The following COL6A3 variants were observed in gnomAD, a reference collection of about 807,000 sequenced individuals.
COL6A3 encodes collagen alpha-3(VI) chain.
A neutral mutation model predicts 274.1 loss-of-function variants in COL6A3; 137 were observed. That is an observed-to-expected ratio of 0.50 (90% CI 0.44 to 0.58). The LOEUF (loss-of-function observed/expected upper bound fraction) is 0.58, where lower values mean the gene tolerates loss of function less well. Ranked by LOEUF, COL6A3 falls within the 20% of genes least tolerant of loss-of-function variation. The pLI is 0.00. For missense variants in COL6A3, 3,950 were observed against 4,124.9 expected (o/e 0.96, Z 1.16); for synonymous variants, 1,650 against 1,650.6 (o/e 1.00, Z 0.01).
chr2:237,334,921 A>T lies in COL6A3; in HGVS notation c.8966-32T>A, dbSNP rs748167211. On this transcript the variant is annotated intron_variant, in intron 40 of 43. Coordinates refer to ENST00000295550, the MANE Select transcript of COL6A3 (RefSeq NM_004369.4). Reference sequence around the variant, plus strand: ...GATAGATCAGAGCGTGAAGATAAAAAATAAAATCCTCCATGACTGTAGTGC... The same window carrying T: ...GATAGATCAGAGCGTGAAGATAAAATATAAAATCCTCCATGACTGTAGTGC... The T allele has an allele frequency of 5.6e-6, 9 of 1,613,538 alleles. No homozygotes were observed. In the East Asian group the frequency reaches 2.0e-4, roughly 36 times the overall value.
Position 237,413,270 on chromosome 2 carries a change from T to C in COL6A3, c.-31+683A>G, listed in dbSNP as rs1309307254. 2.0e-5 allele frequency among the ~76,000 whole-genome samples: 3 copies of C among 152,200 alleles called. No individual in the cohort carries two copies. Among genetic ancestry groups the C allele is most frequent in the Non-Finnish European group, 4.4e-5 (3 of 68,030 alleles). ...TGCTGCCCAAATGCCCAATTCCTTC[T>C]TCTCCTCTGACCCCTGCAACTCCTT... is the stretch of plus-strand genomic sequence containing the variant. On this transcript the variant is annotated intron_variant, in intron 1 of 43. Coordinates refer to ENST00000295550, the MANE Select transcript of COL6A3 (RefSeq NM_004369.4). The surrounding 1 kb of genome is among the most constrained non-coding windows in gnomAD (Gnocchi z 4.0).
chr2:237,356,978 A>G (rs1164639062), intron 23 of COL6A3: 2 of 321,300 alleles, frequency 6.2e-6, no homozygotes, highest in Non-Finnish European at 1.1e-5. Flanking sequence ...CAAATCCACA[A>G]CTCCCTCAGC....
rs1362987398 is a variant in COL6A3 at position 237,363,365 on chromosome 2, C to T, written c.5951G>A (p.Arg1984Gln). The T allele has an allele frequency of 6.2e-7, 1 of 1,614,140 alleles. No individual in the cohort carries two copies. Among genetic ancestry groups the T allele is most frequent in the Non-Finnish European group, 8.5e-7 (1 of 1,180,034 alleles). Residue 1984 changes from arginine to glutamine, a missense_variant, in exon 14 of 44, where the codon CGA (arginine) becomes CAA (glutamine). By Grantham distance (43) the Arg-to-Gln change is conservative. This residue lies in a region of COL6A3 where 632 missense variants were observed against 623.4 expected (regional missense o/e 1.01). Coordinates refer to ENST00000295550, the MANE Select transcript of COL6A3 (RefSeq NM_004369.4). The part of the protein sequence containing the change: ...VRALILVGLE[R>Q]VVNLERLMHL... ...CATTAGCCGCTCCAAGTTGACCACT[C>T]GTTCAAGGCCCACCAGGATCAAGGC...
Position 237,344,176 on chromosome 2 carries a change from A to AGCC in COL6A3, c.7668+171_7668+173dup, listed in dbSNP as rs1405571541. 7 of 923,116 alleles carry AGCC rather than the reference A, an allele frequency of 7.6e-6. No individual in the cohort carries two copies. The highest frequency in any genetic ancestry group is 1.6e-5 in the African/African-American group (1 of 61,844). The allele number at this position is 923,116 out of a possible 1,614,324, so 57.2% of individuals were successfully genotyped here. A position where few individuals can be genotyped will look rare whatever the true frequency, so the allele number is the denominator to read the frequency against. On this transcript the variant is annotated intron_variant, in intron 36 of 43. Transcript: ENST00000295550. The surrounding 1 kb of genome is among the most constrained non-coding windows in gnomAD (Gnocchi z 4.8). Reference sequence around the variant, plus strand: ...CATGTAGGCGTCCCTGTAGTGCTGGAGCCACGAGGTTGTCCTGGAGACCTC... The same window carrying AGCC: ...CATGTAGGCGTCCCTGTAGTGCTGGAGCCGCCACGAGGTTGTCCTGGAGACCTC...
At position 237,344,359 on chromosome 2, in the gene COL6A3, G is replaced by C; in HGVS notation, c.7659C>G (p.Asn2553Lys). Residue 2553 changes from asparagine (N) to lysine (K), a missense_variant, in exon 36 of 44, where the codon AAC becomes AAG. Asn to Lys is a moderately conservative substitution (Grantham distance 94). Around this residue, in one of 5 missense-constraint regions of COL6A3, gnomAD observed 1,284 missense variants for 1,349.7 expected, o/e 0.95. Coordinates refer to ENST00000295550, the MANE Select transcript of COL6A3 (RefSeq NM_004369.4). This position sits in a 1 kb window ranked among gnomAD's most constrained non-coding sequence, Gnocchi z 4.8. ...LTRQEDRQLI[N>K]ALQINNTAVG... ...CGCACAGAGCACAGACCTGCAAAGCGTTGATGAGCTGCCGGTCTTCCTGCC... is the reference window on the plus strand; with the variant it reads ...CGCACAGAGCACAGACCTGCAAAGCCTTGATGAGCTGCCGGTCTTCCTGCC... The C allele has an allele frequency of 6.2e-7, 1 of 1,614,220 alleles. No individual in the cohort carries two copies. Among genetic ancestry groups the C allele is most frequent in the Non-Finnish European group, 8.5e-7 (1 of 1,180,042 alleles).
At position 237,336,530 on chromosome 2, in the gene COL6A3, T is replaced by C; in HGVS notation, c.8570A>G (p.Asn2857Ser). 1 of 1,614,160 alleles carries C rather than the reference T, an allele frequency of 6.2e-7. No individual in the cohort carries two copies. Among genetic ancestry groups the C allele is most frequent in the Admixed American group, 1.7e-5 (1 of 60,026 alleles). ...ACTTGAAGTAACGTTATTCGGAACA[T>C]TTCTGTTAAGACAAATTAAATATTA... ...NLVKFGHKQV[N>S]VPNNVTSSPT... The change falls in exon 40 of 44, where the codon AAT becomes AGT. Residue 2857 changes from asparagine (N) to serine (S), a missense_variant and splice_region_variant. Around this residue, in one of 5 missense-constraint regions of COL6A3, gnomAD observed 1,284 missense variants for 1,349.7 expected, o/e 0.95. Coordinates refer to ENST00000295550, the MANE Select transcript of COL6A3 (RefSeq NM_004369.4).
intron 32 of COL6A3, among the ~76,000 whole-genome samples, chr2:237,345,806 C>T (rs1260202479): frequency 6.6e-6 from 1 of 152,170 alleles, no homozygotes; most frequent in Non-Finnish European, 1.5e-5. Flanking sequence ...CCCCCCAACA[C>T]TTCACCTACT....
Position 237,359,248 on chromosome 2 carries a change from G to A in COL6A3, c.6312C>T (p.Gly2104=), listed in dbSNP as rs377074792. 60 of 1,614,048 alleles carry A rather than the reference G, an allele frequency of 3.7e-5. No individual in the cohort carries two copies. Among genetic ancestry groups the A allele is most frequent in the African/African-American group, 5.3e-5 (4 of 74,918 alleles). The change falls in exon 19 of 44, where the codon GGC becomes GGT. Residue 2104 remains glycine (G), a splice_region_variant and synonymous_variant. Coordinates refer to ENST00000295550, the MANE Select transcript of COL6A3 (RefSeq NM_004369.4). ...CATCCAGTCCAATTTCTCCTACTTC[G>A]CCCTAAGAGGGAATAAGGCGGACAG... ...KGSRGFPGEK[G]EVGEIGLDGL... is the part of the protein sequence containing the mutation.
In COL6A3 at chr2:237,361,287, C is replaced by G. The variant is rs2077431828; in HGVS notation, c.6157-113G>C. 1.1e-6 allele frequency: 1 copy of G among 914,510 alleles called. No homozygotes were observed. Among genetic ancestry groups the G allele is most frequent in the Non-Finnish European group, 1.8e-6 (1 of 558,498 alleles). The allele number at this position is 914,510 out of a possible 1,614,324, so 56.6% of individuals were successfully genotyped here. A position where few individuals can be genotyped will look rare whatever the true frequency, so the allele number is the denominator to read the frequency against. The stretch of plus-strand genomic sequence containing the variant: ...AGAGCAGCACTAAAACTCAGCATGG[C>G]TTTCCCTGTTACTGCTTTTCCCCTC... On this transcript the variant is annotated intron_variant, in intron 15 of 43. Transcript: ENST00000295550. The surrounding 1 kb of genome is among the most constrained non-coding windows in gnomAD (Gnocchi z 5.1).
rs770746208 is a variant in COL6A3, at chr2:237,341,189, C to T, written c.7766-39G>A. On this transcript the variant is annotated intron_variant, in intron 37 of 43. Coordinates refer to ENST00000295550, the MANE Select transcript of COL6A3 (RefSeq NM_004369.4). ...TGGCAGCCTATTTGTTCTGTGACACCCACAGCAGGATACACAGCTCATCAA... is the reference window on the plus strand; with the variant it reads ...TGGCAGCCTATTTGTTCTGTGACACTCACAGCAGGATACACAGCTCATCAA... The T allele has an allele frequency of 4.5e-6, 7 of 1,559,342 alleles. No individual in the cohort carries two copies. The Admixed American group carries it at 6.7e-5, about 15-fold the overall frequency.
At position 237,372,088 on chromosome 2, in the gene COL6A3, A is replaced by G. The variant is rs1351681607; in HGVS notation, c.3929T>C (p.Ile1310Thr). The part of the protein sequence containing the change: ...QRLRPKGGRQ[I>T]NVGNALEYVS... ...GTACTCCAGGGCATTGCCCACGTTGATCTGCCGCCCTCCCTTGGGCCTCAG... is the reference window on the plus strand; with the variant it reads ...GTACTCCAGGGCATTGCCCACGTTGGTCTGCCGCCCTCCCTTGGGCCTCAG... The change falls in exon 9 of 44, where the codon ATC becomes ACC. Residue 1310 changes from isoleucine (I) to threonine (T), a missense_variant. This residue lies in a region of COL6A3 where 1,934 missense variants were observed against 1,984.3 expected (regional missense o/e 0.97). Transcript: ENST00000295550. 1.2e-6 allele frequency: 2 copies of G among 1,613,918 alleles called. No homozygotes were observed. The highest frequency in any genetic ancestry group is 2.7e-5 in the African/African-American group (2 of 74,932).
intron 3 of COL6A3, among the ~76,000 whole-genome samples, chr2:237,394,248 A>C (rs1426016565): frequency 6.6e-6 from 1 of 152,174 alleles, no homozygotes; most frequent in Non-Finnish European, 1.5e-5. Context: ...AACACCAAAT[A>C]GAGGAGTTTG....
At chr2:237,334,418 C>A (rs1700423170) in intron 41 of COL6A3, among the ~76,000 whole-genome samples, 1 of 152,220 alleles carries the variant, frequency 6.6e-6, no homozygotes, top group Non-Finnish European at 1.5e-5. Flanking sequence ...GACTGCATCC[C>A]ACATGGAATC....
At position 237,344,765 on chromosome 2, in the gene COL6A3, A is replaced by T; in HGVS notation, c.7253T>A (p.Phe2418Tyr). The change falls in exon 36 of 44, where the codon TTC becomes TAC. Residue 2418 changes from phenylalanine to tyrosine, a missense_variant. Transcript: ENST00000295550. This position sits in a 1 kb window ranked among gnomAD's most constrained non-coding sequence, Gnocchi z 4.8. ...CAAGACCACATCTCGCATCCGGCCG[A>T]AAGTGTCTTGGTTGACTCCCTCAGA... ...DTSEGVNQDT[F>Y]GRMRDVVLSI... The T allele has an allele frequency of 6.2e-7, 1 of 1,602,554 alleles. No individual in the cohort carries two copies. Among genetic ancestry groups the T allele is most frequent in the Non-Finnish European group, 8.5e-7 (1 of 1,174,802 alleles).
chr2:237,340,904 G>T lies in COL6A3; in HGVS notation c.8012C>A (p.Pro2671His). 1 of 1,613,354 alleles carries T rather than the reference G, an allele frequency of 6.2e-7. No individual in the cohort carries two copies. Among genetic ancestry groups the T allele is most frequent in the Non-Finnish European group, 8.5e-7 (1 of 1,179,374 alleles). Residue 2671 changes from proline (P) to histidine (H), a missense_variant, in exon 38 of 44, where the codon CCC becomes CAC. Pro to His is a moderately conservative substitution (Grantham distance 77, BLOSUM62 -2). Coordinates refer to ENST00000295550, the MANE Select transcript of COL6A3 (RefSeq NM_004369.4). ...GCTGGCATTGTCCACGGACTCAGAG[G>T]GCGCGTGCTGCACAACTGCCACTCT... Reference protein sequence around the residue: ...FARVAVVQHAPSESVDNASMP... With the variant: ...FARVAVVQHAHSESVDNASMP...
chr2:237,360,222 C>A, intron 16 of COL6A3, 63 bp from the exon 17 acceptor site: 1 of 1,514,424 alleles, frequency 6.6e-7, no homozygotes, highest in Non-Finnish European at 9.1e-7. Context: ...CTCTGCCGGG[C>A]TTGCAGCAGC....
Position 237,344,991 on chromosome 2 carries a change from C to T in COL6A3, c.7163-39G>A. Reference sequence around the variant, plus strand: ...AAAGAGAAGAAAGGGTGAGAGACTACTCTACCATGTGAGAATTTCGAATGT... The same window carrying T: ...AAAGAGAAGAAAGGGTGAGAGACTATTCTACCATGTGAGAATTTCGAATGT... On this transcript the variant is annotated intron_variant, in intron 34 of 43. Transcript: ENST00000295550. The surrounding 1 kb of genome is among the most constrained non-coding windows in gnomAD (Gnocchi z 4.8). 3.1e-6 allele frequency: 5 copies of T among 1,614,206 alleles called. No individual in the cohort carries two copies. Among genetic ancestry groups the T allele is most frequent in the Non-Finnish European group, 4.2e-6 (5 of 1,180,028 alleles).
intron 31 of COL6A3, among the ~76,000 whole-genome samples, chr2:237,347,156 T>A (rs946366620): frequency 6.6e-6 from 1 of 151,986 alleles, no homozygotes; most frequent in Non-Finnish European, 1.5e-5. Flanking sequence ...ATGCATGTAA[T>A]CCCAGCACTT....
intron 41 of COL6A3, 98 bp from the exon 42 acceptor site, chr2:237,333,646 G>A: frequency 9.9e-7 from 1 of 1,010,582 alleles, no homozygotes; most frequent in South Asian, 1.3e-5. Flanking sequence ...TGTGATTAAT[G>A]TCTTATGTTG....
Sources: allele counts gnomAD v4.1 joint callset (sites outside exome capture counted in the v4.1 genomes callset), GRCh38; gene constraint gnomAD v4.1.1; regional missense constraint gnomAD v4.1.1; non-coding constraint Gnocchi (gnomAD v3.1); transcripts MANE v1.5; gene names NCBI Gene and HGNC (gene_info 2026-07-23, HGNC 2026-07-21).